The following RAB7B variants were observed in gnomAD, a reference collection of about 807,000 sequenced individuals.
The protein encoded by RAB7B is ras-related protein Rab-7b.
chr1:205,982,795 C>T (rs918307473), intron 5 of RAB7B, among the ~76,000 whole-genome samples: 146,789 of 152,222 alleles, frequency 0.96, 71,004 homozygotes, highest in East Asian at 1. Context: ...AATGAGCCCA[C>T]AATCTCCCTG....
intron 1 of RAB7B, among the ~76,000 whole-genome samples, chr1:205,999,357 T>C (rs1660855817): frequency 6.6e-6 from 1 of 152,232 alleles, no homozygotes; most frequent in Non-Finnish European, 1.5e-5. Flanking sequence ...TTATAAAGAA[T>C]TAGTAAGCTT....
chr1:205,989,530 T>C (rs1660680931), intron 4 of RAB7B, among the ~76,000 whole-genome samples: 4 of 152,092 alleles, frequency 2.6e-5, no homozygotes, highest in Non-Finnish European at 5.9e-5. Flanking sequence ...AATCCTTTGC[T>C]GCCCTCAATC....
At chr1:205,986,900 T>C (rs1198270449) in intron 4 of RAB7B, among the ~76,000 whole-genome samples, 1 of 152,168 alleles carries the variant, frequency 6.6e-6, no homozygotes, top group African/African-American at 2.4e-5. Context: ...TAATTGTCTC[T>C]GTGGCTCCTG....
At chr1:205,999,781 A>T (rs1323484000) in intron 1 of RAB7B, among the ~76,000 whole-genome samples, 2 of 152,150 alleles carry the variant, frequency 1.3e-5, no homozygotes, top group Non-Finnish European at 2.9e-5. Flanking sequence ...TTATCTGTCT[A>T]TTTAGAGACA....
Position 205,987,478 on chromosome 1 carries a change from T to C in RAB7B, c.397-1813A>G, listed in dbSNP as rs1258553049. Among the ~76,000 whole-genome samples, 3 of 152,372 alleles carry C rather than the reference T, an allele frequency of 2.0e-5. No individual in the cohort carries two copies. The East Asian group carries it at 5.8e-4, about 29-fold the overall frequency. On this transcript the variant is annotated intron_variant, in intron 4 of 5. Coordinates refer to ENST00000617070, the MANE Select transcript of RAB7B (RefSeq NM_001164522.3). The stretch of plus-strand genomic sequence containing the variant: ...CAAAATTAGTCCAGTTGGCATCATT[T>C]TATTTATGATGCTTTTCCATCTCAT...
At chr1:206,002,212 T>G (rs1660903042) in intron 1 of RAB7B, among the ~76,000 whole-genome samples, 1 of 152,200 alleles carries the variant, frequency 6.6e-6, no homozygotes, top group African/African-American at 2.4e-5. Context: ...CCCAGTAATG[T>G]TCACAATTCC....
At chr1:205,987,043 C>T (rs1321368956) in intron 4 of RAB7B, among the ~76,000 whole-genome samples, 1 of 152,138 alleles carries the variant, frequency 6.6e-6, no homozygotes, top group Non-Finnish European at 1.5e-5. Flanking sequence ...TCATTTTTCC[C>T]TGCTCTCTGT....
At chr1:205,981,387 C>A (rs1415314493) in intron 5 of RAB7B, among the ~76,000 whole-genome samples, 1 of 152,214 alleles carries the variant, frequency 6.6e-6, no homozygotes, top group East Asian at 1.9e-4. Context: ...AACTGAACAC[C>A]TACTCTGTTC....
rs889988438 is a variant in RAB7B, at chr1:205,991,597, C to T, written c.396+883G>A. ...GTTAGCTCAGTTGGAAGCACCATCC[C>T]TCTCTCCCTTTCTCCTTCCATAAAC... On this transcript the variant is annotated intron_variant, in intron 4 of 5. Coordinates refer to ENST00000617070, the MANE Select transcript of RAB7B (RefSeq NM_001164522.3). Among the ~76,000 whole-genome samples the T allele has an allele frequency of 1.8e-3, 267 of 152,324 alleles. 2 individuals carry two copies. Among genetic ancestry groups the T allele is most frequent in the African/African-American group, 5.5e-3 (227 of 41,560 alleles).
chr1:206,002,287 T>C (rs1416698388), intron 1 of RAB7B, among the ~76,000 whole-genome samples: 1 of 152,180 alleles, frequency 6.6e-6, no homozygotes, highest in Non-Finnish European at 1.5e-5. Flanking sequence ...CCTACAGCCC[T>C]GGTTTCAGGA....
intron 4 of RAB7B, among the ~76,000 whole-genome samples, chr1:205,990,380 A>G (rs1264049762): frequency 1.3e-5 from 2 of 152,334 alleles, no homozygotes; most frequent in East Asian, 1.9e-4. Flanking sequence ...TTTGGTGGAC[A>G]TGGTGGACTG....
intron 5 of RAB7B, among the ~76,000 whole-genome samples, chr1:205,983,398 A>T (rs1660529752): frequency 6.6e-6 from 1 of 151,838 alleles, no homozygotes; most frequent in Non-Finnish European, 1.5e-5. Context: ...CATCCTCACT[A>T]CCAGCTGTCT....
chr1:206,002,040 A>G (rs1660901275), intron 1 of RAB7B, among the ~76,000 whole-genome samples: 1 of 152,086 alleles, frequency 6.6e-6, no homozygotes, highest in Non-Finnish European at 1.5e-5. Flanking sequence ...CCATCATACT[A>G]TCTTTCCAGG....
chr1:205,979,108 T>C (rs1193966202), intron 5 of RAB7B, among the ~76,000 whole-genome samples, 180 bp from the exon 6 acceptor site: 1 of 152,066 alleles, frequency 6.6e-6, no homozygotes, highest in Non-Finnish European at 1.5e-5. Flanking sequence ...TCCCTGTGTC[T>C]CCCCTCCAGC....
At chr1:205,986,189 T>G (rs1444210582) in intron 4 of RAB7B, among the ~76,000 whole-genome samples, 1 of 152,242 alleles carries the variant, frequency 6.6e-6, no homozygotes, top group African/African-American at 2.4e-5. Context: ...TCAGGAGGCC[T>G]GTTGCTGGGC....
chr1:205,999,881 C>T lies in RAB7B; in HGVS notation c.-17+3372G>A, dbSNP rs1032806397. On this transcript the variant is annotated intron_variant, in intron 1 of 5. Coordinates refer to ENST00000617070, the MANE Select transcript of RAB7B (RefSeq NM_001164522.3). ...TTCCTGGGCTGAAGTGATCCTCCCC[C>T]CTCAACCTCCCAGGTAGCTGGGACT... Among the ~76,000 whole-genome samples the T allele has an allele frequency of 2.6e-5, 4 of 152,056 alleles. No homozygotes were observed. The South Asian group carries it at 8.3e-4, about 32-fold the overall frequency.
intron 1 of RAB7B, among the ~76,000 whole-genome samples, chr1:205,994,839 T>G (rs995461652): frequency 6.6e-6 from 1 of 152,218 alleles, no homozygotes; most frequent in Non-Finnish European, 1.5e-5. Flanking sequence ...AAGCAGTGGT[T>G]AAATCATAGC....
intron 5 of RAB7B, among the ~76,000 whole-genome samples, chr1:205,982,065 G>T (rs924474077): frequency 6.6e-6 from 1 of 152,202 alleles, no homozygotes; most frequent in Non-Finnish European, 1.5e-5. Context: ...CTCTCAGCAG[G>T]TGCCTCACAT....
At chr1:205,996,642 C>T (rs1261699883) in intron 1 of RAB7B, among the ~76,000 whole-genome samples, 1 of 152,184 alleles carries the variant, frequency 6.6e-6, no homozygotes, top group Non-Finnish European at 1.5e-5. Flanking sequence ...GTTAGTGTCC[C>T]CTTCATGAAC....
Sources: gnomAD v4.1 joint callset for allele counts (sites outside exome capture counted in the v4.1 genomes callset) on GRCh38, gnomAD v4.1.1 for gene constraint, MANE v1.5 for transcripts, NCBI Gene and HGNC (gene_info 2026-07-23, HGNC 2026-07-21) for gene names.